NPAS3: variants seen among roughly 807,000 people sequenced by gnomAD.
NPAS3 encodes neuronal PAS domain-containing protein 3.
NPAS3 carries 14 observed loss-of-function variants against 73.1 expected under a neutral mutation model. That is an observed-to-expected ratio of 0.19 (90% CI 0.13 to 0.30). The LOEUF (loss-of-function observed/expected upper bound fraction) is 0.30. Among genes scored for constraint, NPAS3 ranks in the 10% least tolerant of loss-of-function variants. The probability of loss-of-function intolerance (pLI) is 1.00; values close to 1 mark genes in which losing one functional copy is unlikely to be tolerated. For synonymous variants in NPAS3, 620 were observed against 541.5 expected (o/e 1.14, Z -2.01); for missense variants, 1,096 against 1,250.0 (o/e 0.88, Z 1.86).
At chr14:33,677,855 A>G (rs911061222) in intron 6 of NPAS3, among the ~76,000 whole-genome samples, 7 of 152,178 alleles carry the variant, frequency 4.6e-5, no homozygotes, top group African/African-American at 1.7e-4. Context: ...ACCATAGCTC[A>G]CTGACTTTAC....
chr14:33,558,943 C>T (rs1311766612), intron 4 of NPAS3, among the ~76,000 whole-genome samples: 1 of 150,144 alleles, frequency 6.7e-6, no homozygotes, highest in Non-Finnish European at 1.5e-5. Flanking sequence ...AACTATAAAG[C>T]AAAACAAAAG....
chr14:33,358,355 G>A (rs925996335), intron 3 of NPAS3, among the ~76,000 whole-genome samples: 1 of 152,240 alleles, frequency 6.6e-6, no homozygotes, highest in African/African-American at 2.4e-5. Context: ...AGAAGGCACT[G>A]TAGGTGGGGT....
chr14:33,023,964 T>TG, intron 1 of NPAS3, among the ~76,000 whole-genome samples: 1 of 152,134 alleles, frequency 6.6e-6, no homozygotes. Flanking sequence ...AAGATACTGA[T>TG]GTGGCCCTTA....
chr14:33,552,671 TG>T (rs946074086), intron 4 of NPAS3, among the ~76,000 whole-genome samples: 2 of 151,428 alleles, frequency 1.3e-5, no homozygotes, highest in African/African-American at 4.9e-5. Flanking sequence ...TTCTTTCAGT[TG>T]TTTTTTTTAA....
At position 33,768,270 on chromosome 14, in the gene NPAS3, G is replaced by A. The variant is rs371709640; in HGVS notation, c.853-6067G>A. ...CTTTTTGTGATAAAACAGGAACAAT[G>A]AAAGGAAACATGAGGATCGAGCTCT... On this transcript the variant is annotated intron_variant, in intron 7 of 11. Coordinates refer to ENST00000356141, the Ensembl canonical transcript of NPAS3. 3.2e-4 allele frequency among the ~76,000 whole-genome samples: 48 copies of A among 152,280 alleles called. 1 individual carries two copies. In the East Asian group the frequency reaches 8.1e-3, roughly 26 times the overall value.
intron 2 of NPAS3, among the ~76,000 whole-genome samples, chr14:33,073,742 A>G (rs958569261): frequency 2.6e-5 from 4 of 152,210 alleles, no homozygotes; most frequent in African/African-American, 9.6e-5. Flanking sequence ...TCGACATTTT[A>G]TTTAGTTTCA....
intron 7 of NPAS3, among the ~76,000 whole-genome samples, chr14:33,742,565 T>G (rs368524509): frequency 7.9e-5 from 12 of 152,338 alleles, no homozygotes; most frequent in African/African-American, 2.9e-4. Flanking sequence ...AAGTTTTTGC[T>G]GGTAGAGGGT....
chr14:32,938,526 G>GAGAGAGAGAGAGAGAGAGGGAGAGAGAA (rs2035800805), upstream of NPAS3, among the ~76,000 whole-genome samples: 1 of 25,390 alleles, frequency 3.9e-5, no homozygotes, highest in African/African-American at 1.7e-4. Context: ...AGAGAGAGAA[G>GAGAGAGAGAGAGAGAGAGGGAGAGAGAA]GGGGGGGAGG....
chr14:33,739,091 G>A (rs1204047104), intron 7 of NPAS3, among the ~76,000 whole-genome samples: 1 of 152,194 alleles, frequency 6.6e-6, no homozygotes, highest in Non-Finnish European at 1.5e-5. Context: ...TAATGGCACA[G>A]TAGACAGCCT....
At chr14:33,659,269 A>C (rs1279157505) in intron 5 of NPAS3, among the ~76,000 whole-genome samples, 4 of 152,172 alleles carry the variant, frequency 2.6e-5, no homozygotes, top group Non-Finnish European at 5.9e-5. Context: ...TATTATCTTT[A>C]CTTTATAACA....
chr14:33,412,672 G>A (rs999348825), intron 4 of NPAS3, among the ~76,000 whole-genome samples: 1 of 152,140 alleles, frequency 6.6e-6, no homozygotes, highest in African/African-American at 2.4e-5. Context: ...TCTAGGTTCA[G>A]GTGACAGCTC....
At chr14:33,296,917 A>T (rs1237786479) in intron 3 of NPAS3, among the ~76,000 whole-genome samples, 3 of 152,194 alleles carry the variant, frequency 2.0e-5, no homozygotes, top group Non-Finnish European at 4.4e-5. Flanking sequence ...CCTCTAAGGG[A>T]CAAAGAACAG....
intron 2 of NPAS3, among the ~76,000 whole-genome samples, chr14:33,092,467 G>A (rs531596482): frequency 6.6e-6 from 1 of 152,298 alleles, no homozygotes; most frequent in South Asian, 2.1e-4. Flanking sequence ...TGAAATAAAA[G>A]AGGACACAAA....
At chr14:33,074,511 G>C (rs1240289439) in intron 2 of NPAS3, among the ~76,000 whole-genome samples, 1 of 152,144 alleles carries the variant, frequency 6.6e-6, no homozygotes, top group South Asian at 2.1e-4. Flanking sequence ...CCGCCTCCCA[G>C]GTTCAAGCGA....
intron 3 of NPAS3, among the ~76,000 whole-genome samples, chr14:33,261,969 A>G (rs1170747596): frequency 6.6e-6 from 1 of 152,206 alleles, no homozygotes; most frequent in Non-Finnish European, 1.5e-5. Flanking sequence ...ATGAAGCAGG[A>G]GGTACAGCTC....
intron 4 of NPAS3, among the ~76,000 whole-genome samples, chr14:33,535,365 G>A (rs1306798109): frequency 2.0e-5 from 3 of 152,204 alleles, no homozygotes; most frequent in Non-Finnish European, 4.4e-5. Flanking sequence ...GGACACTTGA[G>A]TAGGACTGCT....
intron 4 of NPAS3, among the ~76,000 whole-genome samples, chr14:33,464,564 G>A (rs113916223): frequency 0.025 from 3,739 of 152,208 alleles, 79 homozygotes; most frequent in Middle Eastern, 0.065. Flanking sequence ...TTCCAAATGC[G>A]GTCCCTGACC....
chr14:33,570,860 CATAGATTAG>C (rs2056180423), intron 5 of NPAS3, among the ~76,000 whole-genome samples: 1 of 152,108 alleles, frequency 6.6e-6, no homozygotes, highest in Non-Finnish European at 1.5e-5. Flanking sequence ...ATAAAAGAAG[CATAGATTAG>C]CAAGCTGAAG....
intron 3 of NPAS3, among the ~76,000 whole-genome samples, chr14:33,361,895 A>T (rs1381872320): frequency 6.6e-6 from 1 of 152,212 alleles, no homozygotes; most frequent in Non-Finnish European, 1.5e-5. Context: ...CCAATTAACA[A>T]TGCGTGTCCC....
Sources: allele counts gnomAD v4.1 joint callset (sites outside exome capture counted in the v4.1 genomes callset), GRCh38; gene constraint gnomAD v4.1.1; transcripts MANE v1.5; gene names NCBI Gene and HGNC (gene_info 2026-07-23, HGNC 2026-07-21).